The following METAP1 variants were observed in gnomAD, a reference collection of about 807,000 sequenced individuals.
The protein encoded by METAP1 is methionine aminopeptidase 1.
METAP1 carries 28 observed loss-of-function variants against 53.8 expected under a neutral mutation model. The observed-to-expected ratio is 0.52, with a 90% CI of 0.39 to 0.71. The LOEUF (loss-of-function observed/expected upper bound fraction) is 0.71. Ranked by LOEUF, METAP1 falls within the 30% of genes least tolerant of loss-of-function variation. The pLI, the probability that METAP1 is intolerant of heterozygous loss-of-function variation, is 0.00. For synonymous variants in METAP1, 181 were observed against 165.7 expected, an observed-to-expected ratio of 1.09 and a Z score of -0.71; for missense variants, 389 against 479.8, an observed-to-expected ratio of 0.81 and a Z score of 1.77.
At chr4:99,034,442 G>A in intron 3 of METAP1, 100 bp downstream of exon 3, 1 of 738,694 alleles carries the variant, frequency 1.4e-6, no homozygotes, top group Non-Finnish European at 2.3e-6. Flanking sequence ...AATCAGGATT[G>A]TGTTTACAAA....
intron 1 of METAP1, among the ~76,000 whole-genome samples, chr4:99,009,935 A>G (rs564131929): frequency 1.3e-5 from 2 of 152,332 alleles, no homozygotes; most frequent in South Asian, 2.1e-4. Flanking sequence ...ATCTCCAAAC[A>G]ATCATTGCCT....
intron 1 of METAP1, chr4:99,022,908 A>G: frequency 6.6e-7 from 1 of 1,503,882 alleles, no homozygotes; most frequent in Non-Finnish European, 9.0e-7. Context: ...AGCCTGAAAG[A>G]ACGCATCTGA....
chr4:99,035,515 T>C (rs1199404755), intron 4 of METAP1, 55 bp downstream of exon 4: 2 of 1,299,062 alleles, frequency 1.5e-6, no homozygotes, highest in African/African-American at 1.5e-5. Context: ...TGATGACTAC[T>C]GCAAAGGGAA....
intron 1 of METAP1, among the ~76,000 whole-genome samples, chr4:99,012,906 G>A (rs1291280091): frequency 1.3e-5 from 2 of 152,134 alleles, no homozygotes; most frequent in South Asian, 2.1e-4. Flanking sequence ...CAGGTCATAG[G>A]TGGGTTCAAA....
At chr4:99,001,569 G>A (rs1722929005) in intron 1 of METAP1, among the ~76,000 whole-genome samples, 1 of 152,152 alleles carries the variant, frequency 6.6e-6, no homozygotes, top group Non-Finnish European at 1.5e-5. Flanking sequence ...CTTAACCAGT[G>A]TTTTGGTAGT....
intron 1 of METAP1, among the ~76,000 whole-genome samples, chr4:99,015,395 C>G (rs1468634249): frequency 2.0e-5 from 3 of 152,138 alleles, no homozygotes; most frequent in Non-Finnish European, 2.9e-5. Context: ...GATCCTTCCC[C>G]TTTGACATTT....
intron 1 of METAP1, chr4:99,005,745 A>G (rs1319398776): frequency 2.4e-6 from 1 of 422,304 alleles, no homozygotes; most frequent in South Asian, 1.7e-5. Context: ...CATTAAAAAA[A>G]GAATGAAATA....
intron 10 of METAP1, among the ~76,000 whole-genome samples, chr4:99,059,389 CTCATCT>C (rs1464841581): frequency 6.6e-6 from 1 of 152,178 alleles, no homozygotes; most frequent in Non-Finnish European, 1.5e-5. Context: ...CATCGATGTA[CTCATCT>C]TTAGTTGCTT....
chr4:99,054,229 A>G (rs1726933483), intron 9 of METAP1, among the ~76,000 whole-genome samples: 1 of 152,164 alleles, frequency 6.6e-6, no homozygotes, highest in African/African-American at 2.4e-5. Flanking sequence ...ACCTTCATCA[A>G]TTATCTTAGC....
intron 1 of METAP1, among the ~76,000 whole-genome samples, chr4:99,011,297 T>C (rs1219924006): frequency 6.6e-6 from 1 of 152,188 alleles, no homozygotes; most frequent in Non-Finnish European, 1.5e-5. Context: ...TATGGGCGTC[T>C]TATATATGAG....
intron 1 of METAP1, among the ~76,000 whole-genome samples, chr4:99,018,555 C>A (rs903374391): frequency 6.6e-6 from 1 of 152,146 alleles, no homozygotes; most frequent in Admixed American, 6.5e-5. Context: ...TCTTGGCTGT[C>A]CTCAGCCAAA....
chr4:99,023,709 A>T, intron 1 of METAP1: 1 of 985,418 alleles, frequency 1.0e-6, no homozygotes. Flanking sequence ...ATATGTTGTG[A>T]AGCCGTTGTA....
chr4:99,053,357 C>T (rs1013001308), intron 9 of METAP1, among the ~76,000 whole-genome samples: 1 of 152,212 alleles, frequency 6.6e-6, no homozygotes, highest in Non-Finnish European at 1.5e-5. Flanking sequence ...TCAGGTGATT[C>T]CCCCACCTCA....
chr4:99,034,878 G>A (rs146993485), intron 3 of METAP1, among the ~76,000 whole-genome samples: 275 of 152,128 alleles, frequency 1.8e-3, no homozygotes, highest in African/African-American at 6.4e-3. Context: ...TCTATTCTTG[G>A]CAGATAGGAC....
intron 1 of METAP1, among the ~76,000 whole-genome samples, chr4:98,996,575 C>T (rs1335421724): frequency 1.3e-5 from 2 of 152,222 alleles, no homozygotes; most frequent in Admixed American, 6.5e-5. Flanking sequence ...CGGGATGAGT[C>T]ACCTGTGACT....
At chr4:99,001,387 G>A (rs111953321) in intron 1 of METAP1, among the ~76,000 whole-genome samples, 3,422 of 152,274 alleles carry the variant, frequency 0.022, 67 homozygotes, top group Non-Finnish European at 0.035. Flanking sequence ...TAGAAAAATA[G>A]AAAATATGTG....
intron 1 of METAP1, chr4:99,022,789 C>T (rs1317518142): frequency 4.3e-5 from 69 of 1,599,754 alleles, no homozygotes; most frequent in Non-Finnish European, 5.7e-5. Context: ...TGGCTATGCG[C>T]TTGTCACGGA....
At chr4:99,012,635 T>C (rs1178731482) in intron 1 of METAP1, among the ~76,000 whole-genome samples, 2 of 149,164 alleles carry the variant, frequency 1.3e-5, no homozygotes, top group Non-Finnish European at 3.0e-5. Flanking sequence ...AAAACATCTT[T>C]GGCTGTATCC....
intron 1 of METAP1, chr4:99,023,497 G>A (rs1724303417): frequency 1.0e-6 from 1 of 985,194 alleles, no homozygotes; most frequent in African/African-American, 1.7e-5. Flanking sequence ...TGTATGGTGT[G>A]CTTATTTGCT....
Sources: allele counts gnomAD v4.1 joint callset (sites outside exome capture counted in the v4.1 genomes callset), GRCh38; gene constraint gnomAD v4.1.1; transcripts MANE v1.5; gene names NCBI Gene and HGNC (gene_info 2026-07-23, HGNC 2026-07-21).